The following WNK1 variants were observed in gnomAD, a reference collection of about 807,000 sequenced individuals.
WNK1 encodes the protein WNK lysine deficient protein kinase 1, also known as serine/threonine-protein kinase WNK1.
A neutral mutation model predicts 222.8 loss-of-function variants in WNK1; 38 were observed. That is an observed-to-expected ratio of 0.17 (90% CI 0.13 to 0.22). WNK1 has a LOEUF of 0.22. WNK1 is among the 10% of genes least tolerant of loss of function. The pLI, the probability that WNK1 is intolerant of heterozygous loss-of-function variation, is 1.00. For synonymous variants in WNK1, 1,090 were observed against 1,092.9 expected (o/e 1.00, Z 0.05); for missense variants, 2,348 against 2,918.4 (o/e 0.80, Z 4.50).
chr12:782,747 A>G (rs541878298), intron 1 of WNK1, among the ~76,000 whole-genome samples: 6 of 151,728 alleles, frequency 4.0e-5, no homozygotes, highest in Non-Finnish European at 7.4e-5. Context: ...GAAGTGATCC[A>G]CCTGCCTCAG....
chr12:851,377 G>A (rs551766675), intron 4 of WNK1: 1 of 1,074,116 alleles, frequency 9.3e-7, no homozygotes, highest in Admixed American at 4.6e-5. Flanking sequence ...CGCAAAGTAG[G>A]TGGAGCATTG....
chr12:884,646 C>T lies in WNK1; in HGVS notation c.3845-3C>T, dbSNP rs778158376. On this transcript the variant is annotated splice_region_variant and splice_polypyrimidine_tract_variant and intron_variant, in intron 18 of 27. Transcript: ENST00000315939. The surrounding 1 kb of genome is among the most constrained non-coding windows in gnomAD (Gnocchi z 5.6). ...ATTCTTATCTTTTTGTATTCCTTTG[C>T]AGTTGCTGCCTCTACAGCTCAGAGC... 5.0e-6 allele frequency: 8 copies of T among 1,613,276 alleles called. No individual in the cohort carries two copies. In the African/African-American group the frequency reaches 1.1e-4, roughly 22 times the overall value.
chr12:794,958 T>A (rs1260704259), intron 1 of WNK1, among the ~76,000 whole-genome samples: 1 of 152,124 alleles, frequency 6.6e-6, no homozygotes, highest in East Asian at 1.9e-4. Context: ...TCTTGCTGTG[T>A]TGCCCAAGCT....
In WNK1 at chr12:788,130, G is replaced by A. The variant is rs1222425609; in HGVS notation, c.760-25512G>A. On this transcript the variant is annotated intron_variant, in intron 1 of 27. Coordinates refer to ENST00000315939, the MANE Select transcript of WNK1 (RefSeq NM_018979.4). ...GATGAGACCCAACCACATAATTGAGGGTAGTCTCCTTTACATAAAGTCAGC... is the reference window on the plus strand; with the variant it reads ...GATGAGACCCAACCACATAATTGAGAGTAGTCTCCTTTACATAAAGTCAGC... 2.0e-5 allele frequency among the ~76,000 whole-genome samples: 3 copies of A among 151,782 alleles called. No homozygotes were observed. In the East Asian group the frequency reaches 5.8e-4, roughly 29 times the overall value.
chr12:767,202 T>C (rs1470048283), intron 1 of WNK1, among the ~76,000 whole-genome samples: 1 of 150,852 alleles, frequency 6.6e-6, no homozygotes, highest in African/African-American at 2.4e-5. Flanking sequence ...TCTTAAAATA[T>C]TCCTGTTGTG....
In WNK1 at chr12:754,213, C is replaced by T. The variant is rs369056336; in HGVS notation, c.648C>T (p.Asn216=). Residue 216 remains asparagine (N), a synonymous_variant, in exon 1 of 28, where the codon AAC becomes AAT. Coordinates refer to ENST00000315939, the MANE Select transcript of WNK1 (RefSeq NM_018979.4). The stretch of plus-strand genomic sequence containing the variant: ...AGACCAAGGCCGTGGGAATGTCTAA[C>T]GATGGCCGCTTTCTCAAGTTTGACA... The part of the protein sequence containing the change: ...ELETKAVGMS[N]DGRFLKFDIE... The T allele has an allele frequency of 1.4e-5, 22 of 1,613,648 alleles. No individual in the cohort carries two copies. The South Asian group carries it at 2.1e-4, about 15-fold the overall frequency.
chr12:848,084 C>T lies in WNK1; in HGVS notation c.1312-9077C>T, dbSNP rs148798979. Among the ~76,000 whole-genome samples, 95 of 152,120 alleles carry T rather than the reference C, an allele frequency of 6.2e-4. 1 individual carries two copies. The East Asian group carries it at 0.016, about 25-fold the overall frequency. On this transcript the variant is annotated intron_variant, in intron 4 of 27. Coordinates refer to ENST00000315939, the MANE Select transcript of WNK1 (RefSeq NM_018979.4). ...CCCTCCAAAGTGTTGGGATTACAGG[C>T]GTGAGCCACCGCGCCTGGCTGGCTA...
intron 8 of WNK1, among the ~76,000 whole-genome samples, chr12:863,181 A>AT (rs1475278187): frequency 1.3e-5 from 2 of 152,146 alleles, no homozygotes; most frequent in Non-Finnish European, 1.5e-5. Flanking sequence ...TTTTAATCTA[A>AT]ACTTTGTGGA....
intron 1 of WNK1, among the ~76,000 whole-genome samples, chr12:787,775 A>G (rs925246996): frequency 6.6e-6 from 1 of 152,114 alleles, no homozygotes; most frequent in Non-Finnish European, 1.5e-5. Context: ...CAGGACAGGC[A>G]CAACAAAAAA....
intron 5 of WNK1, 62 bp downstream of exon 5, chr12:857,311 A>G: frequency 7.4e-7 from 1 of 1,343,036 alleles, no homozygotes; most frequent in Non-Finnish European, 1.1e-6. Flanking sequence ...ATGTGCTTTG[A>G]GTACAACACA....
chr12:783,649 T>G (rs113633481), intron 1 of WNK1, among the ~76,000 whole-genome samples: 14 of 47,358 alleles, frequency 3.0e-4, no homozygotes, highest in East Asian at 5.4e-4. Flanking sequence ...AAAAAAAAAA[T>G]TATCCAGGCA....
chr12:896,932 ACACACACG>A (rs1954797308), intron 24 of WNK1, among the ~76,000 whole-genome samples, 200 bp downstream of exon 24: 1 of 77,810 alleles, frequency 1.3e-5, no homozygotes, highest in African/African-American at 4.9e-5. Flanking sequence ...ACACACACAC[ACACACACG>A]ATTCCCAACC....
intron 25 of WNK1, among the ~76,000 whole-genome samples, chr12:898,422 G>A (rs1411544187): frequency 1.3e-5 from 2 of 150,120 alleles, no homozygotes; most frequent in African/African-American, 4.9e-5. Context: ...GGCGGAGCTT[G>A]CAGTGAGCTG....
At chr12:832,583 GT>G (rs1404402380) in intron 4 of WNK1, among the ~76,000 whole-genome samples, 1 of 152,192 alleles carries the variant, frequency 6.6e-6, no homozygotes, top group East Asian at 1.9e-4. Flanking sequence ...TTCATATGAA[GT>G]TTGAGGTTTC....
intron 4 of WNK1, among the ~76,000 whole-genome samples, chr12:855,385 T>A (rs7311290): frequency 0.51 from 76,968 of 151,842 alleles, 19,977 homozygotes; most frequent in East Asian, 0.81. Flanking sequence ...ATTCTCCAAA[T>A]TGGGTCTTCG....
At chr12:907,825 C>G in intron 26 of WNK1, 22 bp from the exon 27 acceptor site, 1 of 1,612,564 alleles carries the variant, frequency 6.2e-7, no homozygotes, top group Non-Finnish European at 8.5e-7. Context: ...TTTTAATGCT[C>G]GTATTCTGTT....
At position 880,857 on chromosome 12, in the gene WNK1, A is replaced by G. The variant is rs886049923; in HGVS notation, c.2969A>G (p.Tyr990Cys). The G allele has an allele frequency of 6.2e-6, 10 of 1,613,942 alleles. No individual in the cohort carries two copies. Among genetic ancestry groups the G allele is most frequent in the Non-Finnish European group, 8.5e-6 (10 of 1,180,010 alleles). Residue 990 changes from tyrosine to cysteine, a missense_variant, in exon 12 of 28, where the codon TAC (tyrosine) becomes TGC (cysteine). Coordinates refer to ENST00000315939, the MANE Select transcript of WNK1 (RefSeq NM_018979.4). ...MPTEVLATPG[Y>C]FPTVVQPYVE... ...ACAGAAGTACTGGCTACACCTGGGT[A>G]CTTTCCCACAGTGGTGCAGCCTTAT... is the stretch of plus-strand genomic sequence containing the variant.
chr12:762,652 G>A (rs1412731573), intron 1 of WNK1, among the ~76,000 whole-genome samples: 1 of 147,344 alleles, frequency 6.8e-6, no homozygotes, highest in Admixed American at 6.7e-5. Flanking sequence ...AGCAGTAATT[G>A]CCCAAAAATA....
intron 1 of WNK1, among the ~76,000 whole-genome samples, chr12:776,579 T>C (rs1465415889): frequency 1.3e-5 from 2 of 151,966 alleles, no homozygotes; most frequent in Non-Finnish European, 2.9e-5. Context: ...TACAGGTGCG[T>C]GCCACCGTGC....
Sources: gnomAD v4.1 joint callset for allele counts (sites outside exome capture counted in the v4.1 genomes callset) on GRCh38, gnomAD v4.1.1 for gene constraint, Gnocchi (gnomAD v3.1) non-coding constraint, MANE v1.5 for transcripts, NCBI Gene and HGNC (gene_info 2026-07-23, HGNC 2026-07-21) for gene names.